SYN3: variants seen among roughly 807,000 people sequenced by gnomAD.
SYN3 encodes the protein synapsin III, also known as synapsin-3.
Under a neutral mutation model 65.8 loss-of-function variants are expected in SYN3, and 35 were observed. The observed-to-expected ratio is 0.53, with a 90% CI of 0.41 to 0.70. The LOEUF (loss-of-function observed/expected upper bound fraction) is 0.70, where lower values mean the gene tolerates loss of function less well. SYN3 is among the 30% of genes least tolerant of loss of function. The pLI, the probability that SYN3 is intolerant of heterozygous loss-of-function variation, is 0.00. For missense variants in SYN3, 680 were observed against 749.0 expected, an observed-to-expected ratio of 0.91 and a Z score of 1.08; for synonymous variants, 270 against 292.9, an observed-to-expected ratio of 0.92 and a Z score of 0.80.
At chr22:32,856,154 TCA>T (rs1228657967) in intron 6 of SYN3, among the ~76,000 whole-genome samples, 1 of 152,186 alleles carries the variant, frequency 6.6e-6, no homozygotes, top group Admixed American at 6.5e-5. Context: ...CTGGAAAGTG[TCA>T]CAGAGATATC....
chr22:32,849,947 AG>A (rs1242770929), intron 6 of SYN3, among the ~76,000 whole-genome samples: 1 of 151,878 alleles, frequency 6.6e-6, no homozygotes, highest in Non-Finnish European at 1.5e-5. Context: ...GGGACTCAAC[AG>A]TGCTTACAGG....
chr22:32,695,262 T>A (rs920221524), intron 6 of SYN3, among the ~76,000 whole-genome samples: 2 of 152,240 alleles, frequency 1.3e-5, no homozygotes, highest in African/African-American at 2.4e-5. Context: ...TCTTACTATG[T>A]TACTGACTCT....
At chr22:32,966,837 G>A (rs1426695152) in intron 3 of SYN3, among the ~76,000 whole-genome samples, 3 of 152,108 alleles carry the variant, frequency 2.0e-5, no homozygotes, top group East Asian at 3.8e-4. Context: ...GATGGCTTGA[G>A]CCCAGGAGGT....
intron 6 of SYN3, among the ~76,000 whole-genome samples, chr22:32,857,769 C>T (rs2048413178): frequency 6.6e-6 from 1 of 152,220 alleles, no homozygotes; most frequent in African/African-American, 2.4e-5. Flanking sequence ...CTAGTCCTAG[C>T]TCCAGTATTT....
intron 6 of SYN3, among the ~76,000 whole-genome samples, chr22:32,799,703 G>A (rs554458302): frequency 1.6e-4 from 24 of 152,196 alleles, no homozygotes; most frequent in African/African-American, 5.8e-4. Context: ...ATTCCACCAC[G>A]TATGCCCTCA....
At chr22:32,628,011 G>T (rs2059693934) in intron 6 of SYN3, among the ~76,000 whole-genome samples, 1 of 152,088 alleles carries the variant, frequency 6.6e-6, no homozygotes. Context: ...TGTATTTTTA[G>T]TAGAGACGGG....
In SYN3 at chr22:32,697,969, C is replaced by T. The variant is rs191774997; in HGVS notation, c.712-101233G>A. Among the ~76,000 whole-genome samples, 43 of 152,230 alleles carry T rather than the reference C, an allele frequency of 2.8e-4. No homozygotes were observed. The East Asian group carries it at 5.2e-3, about 18-fold the overall frequency. ...AGCAGAGCTGAGATGCCCAGTCCCCCGGGCCATTCTAAGTTAGTTGACATC... is the reference window on the plus strand; with the variant it reads ...AGCAGAGCTGAGATGCCCAGTCCCCTGGGCCATTCTAAGTTAGTTGACATC... On this transcript the variant is annotated intron_variant, in intron 6 of 13. Coordinates refer to ENST00000358763, the MANE Select transcript of SYN3 (RefSeq NM_003490.4).
At chr22:32,875,500 G>A (rs4446) in intron 4 of SYN3, among the ~76,000 whole-genome samples, 6,641 of 152,176 alleles carry the variant, frequency 0.044, 196 homozygotes, top group Non-Finnish European at 0.07. Flanking sequence ...AAGATATGTC[G>A]AGGTCCTAAG....
At position 32,997,211 on chromosome 22, in the gene SYN3, G is replaced by T. The variant is rs77405122; in HGVS notation, c.311+9141C>A. Among the ~76,000 whole-genome samples, 1,145 of 152,262 alleles carry T rather than the reference G, an allele frequency of 7.5e-3. 16 individuals carry two copies. Among genetic ancestry groups the T allele is most frequent in the African/African-American group, 0.026 (1,096 of 41,540 alleles). ...CTATGTATACAATGAGAATAGTACT[G>T]GTGCCCCATACAGTTATTGGGAGAG... On this transcript the variant is annotated intron_variant, in intron 2 of 13. Coordinates refer to ENST00000358763, the MANE Select transcript of SYN3 (RefSeq NM_003490.4).
At chr22:32,885,879 C>T (rs2049274773) in intron 4 of SYN3, among the ~76,000 whole-genome samples, 1 of 152,096 alleles carries the variant, frequency 6.6e-6, no homozygotes, top group Admixed American at 6.6e-5. Context: ...CTTTTCTAAA[C>T]ACCTTTCCCA....
intron 6 of SYN3, among the ~76,000 whole-genome samples, chr22:32,722,457 A>G (rs1246985404): frequency 6.6e-6 from 1 of 152,190 alleles, no homozygotes; most frequent in Admixed American, 6.5e-5. Context: ...AGGTTGAGCA[A>G]CCTGGGTCAT....
intron 10 of SYN3, among the ~76,000 whole-genome samples, chr22:32,532,039 T>A (rs112929152): frequency 6.8e-6 from 1 of 147,488 alleles, no homozygotes; most frequent in East Asian, 2.0e-4. Context: ...CCCGGAGAGG[T>A]AGGGGCTCAC....
intron 3 of SYN3, among the ~76,000 whole-genome samples, chr22:32,953,995 G>C (rs2051368252): frequency 6.6e-6 from 1 of 152,104 alleles, no homozygotes; most frequent in Admixed American, 6.6e-5. Context: ...TAGGATCGAG[G>C]TGGGGTTCTG....
chr22:33,046,845 A>G (rs2054074169), intron 1 of SYN3, among the ~76,000 whole-genome samples: 1 of 148,272 alleles, frequency 6.7e-6, no homozygotes, highest in Non-Finnish European at 1.5e-5. Context: ...TCTGTTTAAA[A>G]AAAAAAAAAA....
At chr22:33,017,267 G>T (rs1355480012) in intron 1 of SYN3, among the ~76,000 whole-genome samples, 3 of 152,110 alleles carry the variant, frequency 2.0e-5, no homozygotes, top group African/African-American at 7.2e-5. Flanking sequence ...CGGTCATTGT[G>T]TATTTGTCAG....
intron 7 of SYN3, among the ~76,000 whole-genome samples, chr22:32,550,265 A>G (rs2058392626): frequency 6.6e-6 from 1 of 152,068 alleles, no homozygotes; most frequent in South Asian, 2.1e-4. Flanking sequence ...CAGTATTATA[A>G]TATACTTATT....
intron 7 of SYN3, among the ~76,000 whole-genome samples, chr22:32,563,889 G>C (rs993546324): frequency 4.6e-5 from 7 of 152,166 alleles, no homozygotes; most frequent in African/African-American, 7.2e-5. Flanking sequence ...GGATGGTCTC[G>C]AACTCCTGAC....
intron 2 of SYN3, among the ~76,000 whole-genome samples, chr22:32,987,254 A>T (rs1238611901): frequency 1.3e-5 from 2 of 152,070 alleles, no homozygotes; most frequent in Non-Finnish European, 2.9e-5. Context: ...TCAGTTGCTG[A>T]TTTGTGGCCC....
At chr22:32,563,610 G>T (rs1193082527) in intron 7 of SYN3, among the ~76,000 whole-genome samples, 4 of 152,208 alleles carry the variant, frequency 2.6e-5, no homozygotes, top group African/African-American at 9.7e-5. Flanking sequence ...AGAGGACCCT[G>T]GAAAAGTTGA....
Sources: gnomAD v4.1 joint callset for allele counts (sites outside exome capture counted in the v4.1 genomes callset) on GRCh38, gnomAD v4.1.1 for gene constraint, MANE v1.5 for transcripts, NCBI Gene and HGNC (gene_info 2026-07-23, HGNC 2026-07-21) for gene names.